Variants in H3C4 observed in about 807,000 individuals in gnomAD.
H3C4 encodes H3 clustered histone 4, also known as histone H3.1.
Under a neutral mutation model 8.7 loss-of-function variants are expected in H3C4, and 10 were observed. That is an observed-to-expected ratio of 1.15 (90% CI 0.71 to 1.96). H3C4 has a LOEUF of 1.96. Among genes scored for constraint, H3C4 ranks in the 30% most tolerant of loss-of-function variants. H3C4 has a pLI of 0.00. For synonymous variants in H3C4, 141 were observed against 80.1 expected, an observed-to-expected ratio of 1.76 and a Z score of -4.06; for missense variants, 216 against 192.9, an observed-to-expected ratio of 1.12 and a Z score of -0.71.
upstream of H3C4, among the ~76,000 whole-genome samples, chr6:26,198,562 G>C (rs572903355): frequency 6.6e-6 from 1 of 152,164 alleles, no homozygotes; most frequent in African/African-American, 2.4e-5. Context: ...TGGAACTCCT[G>C]ACCCTGTGAT....
chr6:26,198,460 T>C (rs1765033583), upstream of H3C4, among the ~76,000 whole-genome samples: 1 of 152,158 alleles, frequency 6.6e-6, no homozygotes, highest in South Asian at 2.1e-4. Flanking sequence ...ACCTCTTAAA[T>C]AGCTGAAATT....
At chr6:26,199,230 C>T, upstream of H3C4, 2 of 1,602,800 alleles carry the variant, frequency 1.2e-6, no homozygotes, top group Non-Finnish European at 1.7e-6. Context: ...GCCTTGCTTG[C>T]CGCGTCCGGA....
rs1764983978 is a variant in H3C4, at chr6:26,196,987, C to T, written c.264G>A (p.Ser88=). Residue 88 remains serine (S), a synonymous_variant, in exon 1 of 1, where the codon TCG becomes TCA. Coordinates refer to ENST00000356476, the MANE Select transcript of H3C4 (RefSeq NM_001376937.1). ...DFKTDLRFQS[S]AVMALQEACE... is the part of the protein sequence containing the mutation. ...AGGCCTCCTGCAGCGCCATCACCGC[C>T]GAGCTCTGAAAACGCAGATCAGTCT... 5 of 1,614,106 alleles carry T rather than the reference C, an allele frequency of 3.1e-6. No homozygotes were observed. Among genetic ancestry groups the T allele is most frequent in the Admixed American group, 1.7e-5 (1 of 60,006 alleles).
chr6:26,199,160 C>A, upstream of H3C4: 2 of 1,614,182 alleles, frequency 1.2e-6, no homozygotes, highest in Non-Finnish European at 1.7e-6. Flanking sequence ...GTACGCGGCC[C>A]ACAGGGAACT....
In H3C4 at chr6:26,196,974, G is replaced by C. The variant is rs930112338; in HGVS notation, c.277C>G (p.Leu93Val). 3 of 1,614,140 alleles carry C rather than the reference G, an allele frequency of 1.9e-6. No homozygotes were observed. The highest frequency in any genetic ancestry group is 2.2e-5 in the East Asian group (1 of 44,902). Residue 93 changes from leucine (L) to valine (V), a missense_variant, in exon 1 of 1, where the codon CTG (leucine) becomes GTG (valine). By Grantham distance (32) the Leu-to-Val change is conservative (BLOSUM62 1). Transcript: ENST00000356476. ...AGGTAGGCCTCGCAGGCCTCCTGCAGCGCCATCACCGCCGAGCTCTGAAAA... is the reference window on the plus strand; with the variant it reads ...AGGTAGGCCTCGCAGGCCTCCTGCACCGCCATCACCGCCGAGCTCTGAAAA... ...LRFQSSAVMALQEACEAYLVG... is the reference protein window; with the variant it reads ...LRFQSSAVMAVQEACEAYLVG...
chr6:26,199,018 T>C, upstream of H3C4: 1 of 1,614,142 alleles, frequency 6.2e-7, no homozygotes, highest in Non-Finnish European at 8.5e-7. Flanking sequence ...ATGCGGGTCT[T>C]CTTGTTGTCG....
chr6:26,197,371 G>C (rs1161438701), upstream of H3C4: 2 of 973,936 alleles, frequency 2.1e-6, no homozygotes, highest in African/African-American at 3.3e-5. Context: ...AGCTCGATTG[G>C]TGGAGACGCC....
chr6:26,197,613 G>A (rs1765007081), upstream of H3C4, among the ~76,000 whole-genome samples: 1 of 151,898 alleles, frequency 6.6e-6, no homozygotes, highest in Non-Finnish European at 1.5e-5. Flanking sequence ...GTTTTAAAAA[G>A]ACGCGCGCTA....
At position 26,196,967 on chromosome 6, in the gene H3C4, T is replaced by A. The variant is rs1436596944; in HGVS notation, c.284A>T (p.Glu95Val). The A allele has an allele frequency of 6.2e-7, 1 of 1,614,062 alleles. No individual in the cohort carries two copies. The highest frequency in any genetic ancestry group is 1.1e-5 in the South Asian group (1 of 90,974). The change falls in exon 1 of 1, where the codon GAG becomes GTG. Residue 95 changes from glutamate to valine, a missense_variant. Transcript: ENST00000356476. ...FQSSAVMALQ[E>V]ACEAYLVGLF... Reference sequence around the variant, plus strand: ...CCCCACCAGGTAGGCCTCGCAGGCCTCCTGCAGCGCCATCACCGCCGAGCT... The same window carrying A: ...CCCCACCAGGTAGGCCTCGCAGGCCACCTGCAGCGCCATCACCGCCGAGCT...
At position 26,197,279 on chromosome 6, in the gene H3C4, GAA is replaced by G. The variant is rs751462804; in HGVS notation, c.-31_-30del. ...GAACTTCTAAACCCTGCTAAATGAC[GAA>G]AAAACGAAAGTCTAGCCTTTCGTAC... On this transcript the variant is annotated 5_prime_UTR_variant, in exon 1 of 1. Coordinates refer to ENST00000356476, the MANE Select transcript of H3C4 (RefSeq NM_001376937.1). The G allele has an allele frequency of 5.7e-6, 9 of 1,586,488 alleles. No individual in the cohort carries two copies. The highest frequency in any genetic ancestry group is 1.4e-5 in the African/African-American group (1 of 72,726).
At chr6:26,199,217 T>A (rs1411823810), upstream of H3C4, 3 of 1,606,658 alleles carry the variant, frequency 1.9e-6, no homozygotes, top group Non-Finnish European at 2.5e-6. Flanking sequence ...CTCGGGCCTT[T>A]CCGCCTTGCT....
Position 26,196,793 on chromosome 6 carries a change from C to T in H3C4, c.*47G>A. ...ACTTTTATAGAAAAGGTGGTTGGCT[C>T]TGAAAAGAGCCTTTGGGTTTTGGTT... On this transcript the variant is annotated 3_prime_UTR_variant, in exon 1 of 1. Transcript: ENST00000356476. 1 of 1,606,102 alleles carries T rather than the reference C, an allele frequency of 6.2e-7. No homozygotes were observed. The highest frequency in any genetic ancestry group is 8.5e-7 in the Non-Finnish European group (1 of 1,175,984).
upstream of H3C4, chr6:26,197,314 T>C (rs970842536): frequency 3.2e-6 from 5 of 1,544,520 alleles, no homozygotes; most frequent in African/African-American, 4.2e-5. Context: ...TACCCGTATA[T>C]ATAAAGACAC....
chr6:26,199,180 C>A (rs1471579327), upstream of H3C4: 19 of 1,613,944 alleles, frequency 1.2e-5, no homozygotes, highest in Admixed American at 2.0e-4. Context: ...TGGAGTCCGG[C>A]CCGCGAAGAG....
chr6:26,197,876 TG>T (rs1765016170), upstream of H3C4, among the ~76,000 whole-genome samples: 1 of 129,404 alleles, frequency 7.7e-6, no homozygotes, highest in African/African-American at 3.1e-5. Flanking sequence ...TTGTGTAATC[TG>T]CTGTAAAAAA....
Position 26,197,231 on chromosome 6 carries a change from G to A in H3C4, c.20C>T (p.Thr7Ile). The A allele has an allele frequency of 1.2e-6, 2 of 1,613,686 alleles. No homozygotes were observed. Among genetic ancestry groups the A allele is most frequent in the Non-Finnish European group, 1.7e-6 (2 of 1,179,888 alleles). MARTKQ[T>I]ARKSTGGKAP... is the part of the protein sequence containing the mutation. Reference sequence around the variant, plus strand: ...TTTCCCACCCGTGGACTTGCGAGCAGTCTGCTTGGTACGAGCCATTGCGAA... The same window carrying A: ...TTTCCCACCCGTGGACTTGCGAGCAATCTGCTTGGTACGAGCCATTGCGAA... Residue 7 changes from threonine (T) to isoleucine (I), a missense_variant, in exon 1 of 1, where the codon ACT (threonine) becomes ATT (isoleucine). Thr to Ile is a moderately conservative substitution (Grantham distance 89). Transcript: ENST00000356476.
chr6:26,198,219 C>T (rs767723152), upstream of H3C4, among the ~76,000 whole-genome samples: 2 of 152,222 alleles, frequency 1.3e-5, no homozygotes, highest in Non-Finnish European at 2.9e-5. Context: ...ATTAACTTCT[C>T]TCCTGTATGT....
upstream of H3C4, chr6:26,199,004 G>T (rs762950765): frequency 1.2e-6 from 2 of 1,614,178 alleles, no homozygotes; most frequent in South Asian, 1.1e-5. Flanking sequence ...GGTGTCGGGG[G>T]ATGATGCGGG....
upstream of H3C4, among the ~76,000 whole-genome samples, chr6:26,197,473 C>T (rs563892977): frequency 5.3e-5 from 8 of 152,266 alleles, no homozygotes; most frequent in Admixed American, 2.6e-4. Flanking sequence ...ACCCTTTCCC[C>T]TCTGTGCCAT....
Sources: gnomAD v4.1 joint callset for allele counts (sites outside exome capture counted in the v4.1 genomes callset) on GRCh38, gnomAD v4.1.1 for gene constraint, MANE v1.5 for transcripts, NCBI Gene and HGNC (gene_info 2026-07-23, HGNC 2026-07-21) for gene names.